Variants in GPAT4 observed in about 807,000 individuals in gnomAD.
The protein encoded by GPAT4 is glycerol-3-phosphate acyltransferase 4, also known as 1-AGP acyltransferase 6.
Under a neutral mutation model 58.0 loss-of-function variants are expected in GPAT4, and 17 were observed. That is an observed-to-expected ratio of 0.29 (90% CI 0.20 to 0.44). The LOEUF is 0.44. Ranked by LOEUF, GPAT4 falls within the 20% of genes least tolerant of loss-of-function variation. GPAT4 has a pLI of 1.00. For synonymous variants in GPAT4, 204 were observed against 210.1 expected (o/e 0.97, Z 0.25); for missense variants, 377 against 574.5 (o/e 0.66, Z 3.51).
intron 10 of GPAT4, among the ~76,000 whole-genome samples, chr8:41,617,467 GT>G (rs1803628947): frequency 6.6e-6 from 1 of 152,036 alleles, no homozygotes; most frequent in Non-Finnish European, 1.5e-5. Context: ...GTTTCTGTTG[GT>G]ATTATAATAA....
intron 7 of GPAT4, 116 bp from the exon 8 acceptor site, chr8:41,612,729 C>G: frequency 1.2e-6 from 1 of 851,102 alleles, no homozygotes; most frequent in Non-Finnish European, 1.8e-6. Flanking sequence ...CTTCAGCCGG[C>G]AAGCGTTAGA....
chr8:41,579,387 A>G (rs920655426), intron 1 of GPAT4, among the ~76,000 whole-genome samples: 9 of 152,148 alleles, frequency 5.9e-5, no homozygotes, highest in African/African-American at 2.2e-4. Flanking sequence ...AGTCTGTCAA[A>G]AGTAGCTTCA....
chr8:41,581,475 A>T (rs1802505511), intron 1 of GPAT4, among the ~76,000 whole-genome samples: 1 of 152,132 alleles, frequency 6.6e-6, no homozygotes, highest in South Asian at 2.1e-4. Context: ...TTTTATAGAG[A>T]TGGTCTTGAT....
intron 1 of GPAT4, among the ~76,000 whole-genome samples, chr8:41,590,179 C>T (rs1401471982): frequency 1.3e-5 from 2 of 151,818 alleles, no homozygotes; most frequent in African/African-American, 4.8e-5. Flanking sequence ...GGAGTCTTCC[C>T]AGGTTCAAGC....
At chr8:41,595,581 G>A (rs2150489527) in intron 1 of GPAT4, among the ~76,000 whole-genome samples, 1 of 152,120 alleles carries the variant, frequency 6.6e-6, no homozygotes, top group South Asian at 2.1e-4. Flanking sequence ...AGGTGGTATT[G>A]GAGTGTTGTA....
At position 41,618,799 on chromosome 8, in the gene GPAT4, C is replaced by T. The variant is rs764802073; in HGVS notation, c.1169C>T (p.Pro390Leu). 6.2e-7 allele frequency: 1 copy of T among 1,614,234 alleles called. No homozygotes were observed. The highest frequency in any genetic ancestry group is 1.7e-5 in the Admixed American group (1 of 60,022). The change falls in exon 11 of 13, where the codon CCC (proline) becomes CTC (leucine). Residue 390 changes from proline to leucine, a missense_variant. By Grantham distance (98) the Pro-to-Leu change is moderately conservative (BLOSUM62 -3). Coordinates refer to ENST00000396987, the MANE Select transcript of GPAT4 (RefSeq NM_178819.4). Reference protein sequence around the residue: ...AIVCSVWYLPPMTREADEDAV... With the variant: ...AIVCSVWYLPLMTREADEDAV... ...GTCTGCAGCGTGTGGTACCTGCCTC[C>T]CATGACTAGAGAGGTGAGTGCCTGC...
intron 1 of GPAT4, among the ~76,000 whole-genome samples, chr8:41,583,897 G>A (rs913073766): frequency 1.3e-5 from 2 of 152,118 alleles, no homozygotes; most frequent in African/African-American, 4.8e-5. Context: ...CGCTTGTGAT[G>A]AAAAGGTTTC....
chr8:41,596,643 C>T (rs1182526586), intron 1 of GPAT4, among the ~76,000 whole-genome samples: 1 of 152,222 alleles, frequency 6.6e-6, no homozygotes, highest in Non-Finnish European at 1.5e-5. Context: ...TCTTTGGATC[C>T]ACATTGCTCA....
At chr8:41,595,666 CTT>C (rs949262633) in intron 1 of GPAT4, among the ~76,000 whole-genome samples, 1 of 152,110 alleles carries the variant, frequency 6.6e-6, no homozygotes, top group Non-Finnish European at 1.5e-5. Flanking sequence ...ATAGGGTACA[CTT>C]TTTTTCTTAA....
chr8:41,589,447 C>CA (rs1802736256), intron 1 of GPAT4, among the ~76,000 whole-genome samples: 1 of 151,670 alleles, frequency 6.6e-6, no homozygotes, highest in Admixed American at 6.6e-5. Context: ...GTCATGAGTG[C>CA]AGACTCTTCC....
chr8:41,616,735 AGTAAAATGC>A (rs200983193), intron 10 of GPAT4, among the ~76,000 whole-genome samples: 2,896 of 152,296 alleles, frequency 0.019, 72 homozygotes, highest in African/African-American at 0.063. Flanking sequence ...TCCTCTCCAA[AGTAAAATGC>A]TTATAAATTT....
At chr8:41,594,246 CAG>C (rs1321279751) in intron 1 of GPAT4, among the ~76,000 whole-genome samples, 1 of 152,158 alleles carries the variant, frequency 6.6e-6, no homozygotes, top group Non-Finnish European at 1.5e-5. Flanking sequence ...TGTTTACACA[CAG>C]AATTTTCTTT....
At chr8:41,602,099 C>T (rs566580791) in intron 2 of GPAT4, among the ~76,000 whole-genome samples, 108 of 152,308 alleles carry the variant, frequency 7.1e-4, no homozygotes, top group Middle Eastern at 6.8e-3. Flanking sequence ...GGATGACAGG[C>T]GCGTGCCATC....
At chr8:41,603,138 T>TAAGTTTAGAGCCGGAAGA (rs1803149552) in intron 2 of GPAT4, among the ~76,000 whole-genome samples, 1 of 152,316 alleles carries the variant, frequency 6.6e-6, no homozygotes, top group African/African-American at 2.4e-5. Context: ...ATAATGGGTA[T>TAAGTTTAGAGCCGGAAGA]AAGTTTAGAG....
chr8:41,597,728 C>G (rs1054549811), intron 1 of GPAT4, among the ~76,000 whole-genome samples: 4 of 152,140 alleles, frequency 2.6e-5, no homozygotes, highest in African/African-American at 9.7e-5. Context: ...AACTTTGCAC[C>G]TGCAGAGTGA....
intron 2 of GPAT4, among the ~76,000 whole-genome samples, chr8:41,600,036 C>CTTTTTTTTTTTTTTTTTTTTTT (rs758905649): frequency 7.0e-5 from 7 of 100,302 alleles, no homozygotes; most frequent in Admixed American, 2.4e-4. Flanking sequence ...TTTTTCTTTT[C>CTTTTTTTTTTTTTTTTTTTTTT]TTTTTTTTTT....
chr8:41,594,546 CTT>C (rs35439986), intron 1 of GPAT4, among the ~76,000 whole-genome samples: 5 of 133,544 alleles, frequency 3.7e-5, no homozygotes, highest in Non-Finnish European at 1.6e-5. Context: ...TTATTACAAA[CTT>C]TTTTTTTTTT....
At chr8:41,595,626 G>A (rs1376812970) in intron 1 of GPAT4, among the ~76,000 whole-genome samples, 1 of 151,970 alleles carries the variant, frequency 6.6e-6, no homozygotes, top group African/African-American at 2.4e-5. Context: ...ATCAATTATA[G>A]GTTTTAAATT....
chr8:41,592,371 G>A (rs1006031319), intron 1 of GPAT4, among the ~76,000 whole-genome samples: 1 of 152,140 alleles, frequency 6.6e-6, no homozygotes, highest in Non-Finnish European at 1.5e-5. Flanking sequence ...TGTGTGATTT[G>A]AACTCCACCA....
Sources: allele counts gnomAD v4.1 joint callset (sites outside exome capture counted in the v4.1 genomes callset), GRCh38; gene constraint gnomAD v4.1.1; transcripts MANE v1.5; gene names NCBI Gene and HGNC (gene_info 2026-07-23, HGNC 2026-07-21).